Variants in CAPZA2 observed in about 807,000 individuals in gnomAD.
CAPZA2 encodes the protein capping actin protein of muscle Z-line subunit alpha 2.
CAPZA2 carries 13 observed loss-of-function variants against 44.0 expected under a neutral mutation model. The observed-to-expected ratio is 0.30, with a 90% CI of 0.19 to 0.47. CAPZA2 has a LOEUF of 0.47. CAPZA2 is among the 20% of genes least tolerant of loss of function. The pLI, the probability that CAPZA2 is intolerant of heterozygous loss-of-function variation, is 1.00. For synonymous variants in CAPZA2, 94 were observed against 108.2 expected, an observed-to-expected ratio of 0.87 and a Z score of 0.81; for missense variants, 244 against 338.6, an observed-to-expected ratio of 0.72 and a Z score of 2.19.
At chr7:116,866,364 G>T (rs534965880) in intron 1 of CAPZA2, among the ~76,000 whole-genome samples, 3 of 152,104 alleles carry the variant, frequency 2.0e-5, no homozygotes, top group Non-Finnish European at 4.4e-5. Flanking sequence ...GTAGAGACGG[G>T]GTTTCACCGT....
chr7:116,887,591 G>T (rs1306600053), intron 1 of CAPZA2, among the ~76,000 whole-genome samples: 1 of 152,146 alleles, frequency 6.6e-6, no homozygotes. Context: ...CAGCACTTTG[G>T]GAGACTGAGG....
At chr7:116,905,733 AATT>A (rs1448630902) in intron 5 of CAPZA2, among the ~76,000 whole-genome samples, 7 of 152,212 alleles carry the variant, frequency 4.6e-5, no homozygotes, top group Admixed American at 1.3e-4. Context: ...GGCACAAATT[AATT>A]ATTATTTTTA....
At chr7:116,882,205 G>A (rs1309892595) in intron 1 of CAPZA2, among the ~76,000 whole-genome samples, 1 of 152,146 alleles carries the variant, frequency 6.6e-6, no homozygotes, top group Non-Finnish European at 1.5e-5. Flanking sequence ...TAAATATCCT[G>A]TTGTTTTATT....
chr7:116,912,615 A>G (rs1791612531), intron 8 of CAPZA2, among the ~76,000 whole-genome samples: 1 of 152,068 alleles, frequency 6.6e-6, no homozygotes, highest in Admixed American at 6.6e-5. Context: ...GGCTTTTTTC[A>G]TTTAACATGT....
chr7:116,899,637 A>G (rs1339495969), intron 4 of CAPZA2, among the ~76,000 whole-genome samples: 3 of 133,010 alleles, frequency 2.3e-5, no homozygotes, highest in Non-Finnish European at 4.7e-5. Flanking sequence ...TGCAAAATTT[A>G]TTTTATCTCT....
In CAPZA2 at chr7:116,872,053, T is replaced by C. The variant is rs1796560799; in HGVS notation, c.39+9403T>C. Among the ~76,000 whole-genome samples the C allele has an allele frequency of 2.0e-5, 3 of 152,260 alleles. No individual in the cohort carries two copies. In the South Asian group the frequency reaches 6.2e-4, roughly 32 times the overall value. ...ATCTGAATGTGCAACTAGGATTGAG[T>C]CTCACTGTATCACTGTATTAGGGGC... On this transcript the variant is annotated intron_variant, in intron 1 of 9. Coordinates refer to ENST00000361183, the MANE Select transcript of CAPZA2 (RefSeq NM_006136.3).
intron 6 of CAPZA2, among the ~76,000 whole-genome samples, chr7:116,907,633 A>G (rs1004193570): frequency 2.6e-5 from 4 of 152,168 alleles, no homozygotes; most frequent in African/African-American, 9.7e-5. Context: ...AAATGAAGAA[A>G]ATGTCTGTCC....
chr7:116,896,417 C>T (rs1363476501), intron 3 of CAPZA2, among the ~76,000 whole-genome samples: 1 of 152,022 alleles, frequency 6.6e-6, no homozygotes, highest in Non-Finnish European at 1.5e-5. Flanking sequence ...TAGGGATTTT[C>T]CAGTGGAGAG....
At chr7:116,870,311 G>A (rs770203802) in intron 1 of CAPZA2, among the ~76,000 whole-genome samples, 53 of 152,198 alleles carry the variant, frequency 3.5e-4, no homozygotes, top group Non-Finnish European at 7.1e-4. Flanking sequence ...TTGGGGTCAA[G>A]CTCATACCAG....
intron 1 of CAPZA2, among the ~76,000 whole-genome samples, chr7:116,867,455 T>G (rs1796496123): frequency 6.6e-6 from 1 of 152,252 alleles, no homozygotes; most frequent in Non-Finnish European, 1.5e-5. Flanking sequence ...GTTCTTAAAA[T>G]GGTATTCATG....
chr7:116,894,731 T>C (rs1238996021), intron 3 of CAPZA2, among the ~76,000 whole-genome samples: 2 of 152,212 alleles, frequency 1.3e-5, no homozygotes, highest in Admixed American at 6.5e-5. Flanking sequence ...TAGGTACCTC[T>C]TATAAGTAGA....
chr7:116,899,973 C>G (rs1796974417), intron 4 of CAPZA2, among the ~76,000 whole-genome samples: 1 of 151,358 alleles, frequency 6.6e-6, no homozygotes, highest in Non-Finnish European at 1.5e-5. Context: ...TATACCAAAA[C>G]TAAACAGAAT....
intron 4 of CAPZA2, among the ~76,000 whole-genome samples, chr7:116,903,389 G>A (rs1797021356): frequency 6.6e-6 from 1 of 151,996 alleles, no homozygotes; most frequent in Non-Finnish European, 1.5e-5. Context: ...GTGTATGCAA[G>A]TATAGACATG....
intron 6 of CAPZA2, among the ~76,000 whole-genome samples, chr7:116,908,483 T>G (rs558195337): frequency 6.6e-6 from 1 of 152,292 alleles, no homozygotes; most frequent in African/African-American, 2.4e-5. Flanking sequence ...AGGGGCAGAA[T>G]ATAATTAAAG....
At chr7:116,910,992 A>G (rs1791588097) in intron 7 of CAPZA2, among the ~76,000 whole-genome samples, 1 of 147,696 alleles carries the variant, frequency 6.8e-6, no homozygotes, top group African/African-American at 2.5e-5. Context: ...CTCCGTCTCA[A>G]AAAAAAAAAA....
intron 2 of CAPZA2, among the ~76,000 whole-genome samples, chr7:116,890,406 C>T (rs942787003): frequency 3.3e-5 from 5 of 149,474 alleles, no homozygotes; most frequent in South Asian, 2.1e-4. Flanking sequence ...CATGGTGGCT[C>T]ATGCCTATAA....
chr7:116,887,786 T>A (rs1028328991), intron 1 of CAPZA2, among the ~76,000 whole-genome samples: 5 of 152,234 alleles, frequency 3.3e-5, no homozygotes, highest in African/African-American at 2.4e-5. Flanking sequence ...TGAGCTGAGA[T>A]TGTGCCACTG....
chr7:116,867,483 A>T (rs1796496494), intron 1 of CAPZA2, among the ~76,000 whole-genome samples: 1 of 152,214 alleles, frequency 6.6e-6, no homozygotes, highest in South Asian at 2.1e-4. Context: ...ATTCCATTTT[A>T]ACCTAAATAG....
At chr7:116,885,587 A>G (rs1004910045) in intron 1 of CAPZA2, among the ~76,000 whole-genome samples, 3 of 152,116 alleles carry the variant, frequency 2.0e-5, no homozygotes, top group Admixed American at 2.0e-4. Context: ...GGCATTAGGA[A>G]CTTCTGACTG....
Sources: allele counts gnomAD v4.1 joint callset (sites outside exome capture counted in the v4.1 genomes callset), GRCh38; gene constraint gnomAD v4.1.1; transcripts MANE v1.5; gene names NCBI Gene and HGNC (gene_info 2026-07-23, HGNC 2026-07-21).